The following SPOPL variants were observed in gnomAD, a reference collection of about 807,000 sequenced individuals.
SPOPL encodes speckle type BTB/POZ protein like.
Under a neutral mutation model 53.8 loss-of-function variants are expected in SPOPL, and 23 were observed. The observed-to-expected ratio is 0.43, with a 90% CI of 0.31 to 0.61. SPOPL has a LOEUF of 0.61. Ranked by LOEUF, SPOPL falls within the 20% of genes least tolerant of loss-of-function variation. The probability of loss-of-function intolerance (pLI) is 0.12; values close to 1 mark genes in which losing one functional copy is unlikely to be tolerated. For missense variants in SPOPL, 442 were observed against 466.9 expected, an observed-to-expected ratio of 0.95 and a Z score of 0.49; for synonymous variants, 164 against 149.7, an observed-to-expected ratio of 1.10 and a Z score of -0.70.
chr2:138,554,515 T>C, intron 5 of SPOPL: 1 of 1,289,008 alleles, frequency 7.8e-7, no homozygotes, highest in Non-Finnish European at 1.0e-6. Context: ...CCCCCTCCCC[T>C]GCAAGTGGTG....
intron 1 of SPOPL, among the ~76,000 whole-genome samples, chr2:138,527,334 C>T (rs189370066): frequency 1.2e-3 from 185 of 152,240 alleles, no homozygotes; most frequent in Non-Finnish European, 2.3e-3. Flanking sequence ...TCTTTAAGAT[C>T]ACCTGTCAGA....
chr2:138,563,190 T>TA (rs1355527797), intron 8 of SPOPL, among the ~76,000 whole-genome samples: 1 of 152,116 alleles, frequency 6.6e-6, no homozygotes, highest in Non-Finnish European at 1.5e-5. Flanking sequence ...CATAAAAAGA[T>TA]ATTCTAGTCA....
At chr2:138,547,169 T>G (rs549620644) in intron 1 of SPOPL, among the ~76,000 whole-genome samples, 5 of 152,258 alleles carry the variant, frequency 3.3e-5, no homozygotes, top group Admixed American at 6.5e-5. Context: ...TTTCACCATG[T>G]TTGCCAGACT....
intron 1 of SPOPL, among the ~76,000 whole-genome samples, chr2:138,516,412 G>T (rs1330481726): frequency 2.6e-5 from 4 of 152,206 alleles, no homozygotes; most frequent in African/African-American, 9.7e-5. Flanking sequence ...AATAAGGTCT[G>T]TTGTAAAAGA....
At chr2:138,545,801 G>C (rs530038615) in intron 1 of SPOPL, among the ~76,000 whole-genome samples, 1 of 152,246 alleles carries the variant, frequency 6.6e-6, no homozygotes, top group South Asian at 2.1e-4. Context: ...CATTTCACCA[G>C]CTATTCATTT....
At position 138,544,264 on chromosome 2, in the gene SPOPL, A is replaced by T. The variant is rs1459960324; in HGVS notation, c.-60-5893A>T. Among the ~76,000 whole-genome samples the T allele has an allele frequency of 2.6e-5, 4 of 152,218 alleles. No individual in the cohort carries two copies. In the East Asian group the frequency reaches 7.7e-4, roughly 29 times the overall value. ...AACCACTGCTCTCTTCAAGGCTGTC[A>T]GACAGGGACATTTAAGTCTGCAGAG... On this transcript the variant is annotated intron_variant, in intron 1 of 10. Coordinates refer to ENST00000280098, the MANE Select transcript of SPOPL (RefSeq NM_001001664.3).
chr2:138,534,949 TA>T (rs1209154494), intron 1 of SPOPL, among the ~76,000 whole-genome samples: 30 of 152,344 alleles, frequency 2.0e-4, no homozygotes, highest in African/African-American at 7.2e-4. Flanking sequence ...TTTTTATGAC[TA>T]CATATTATTT....
At chr2:138,545,242 G>T (rs1056671915) in intron 1 of SPOPL, among the ~76,000 whole-genome samples, 1 of 152,020 alleles carries the variant, frequency 6.6e-6, no homozygotes, top group Non-Finnish European at 1.5e-5. Flanking sequence ...TACCAGCACC[G>T]TATACCAGGA....
rs117384206 is a variant in SPOPL at position 138,521,736 on chromosome 2, A to G, written c.-61+19617A>G. On this transcript the variant is annotated intron_variant, in intron 1 of 10. Transcript: ENST00000280098. ...ACCCTTGTAAACTTTTCATGTATCT[A>G]TAAAATGTAATTAAAACTACCTCCT... is the stretch of plus-strand genomic sequence containing the variant. 2.2e-4 allele frequency among the ~76,000 whole-genome samples: 33 copies of G among 152,348 alleles called. 1 individual carries two copies. The East Asian group carries it at 6.2e-3, about 28-fold the overall frequency.
Sources: gnomAD v4.1 joint callset for allele counts (sites outside exome capture counted in the v4.1 genomes callset) on GRCh38, gnomAD v4.1.1 for gene constraint, MANE v1.5 for transcripts, NCBI Gene and HGNC (gene_info 2026-07-23, HGNC 2026-07-21) for gene names.